Variants in ZNF638 observed in about 807,000 individuals in gnomAD.
ZNF638 encodes CTCL tumor antigen se33-1.
Under a neutral mutation model 195.6 loss-of-function variants are expected in ZNF638, and 46 were observed. The observed-to-expected ratio is 0.24, with a 90% CI of 0.19 to 0.30. The LOEUF (loss-of-function observed/expected upper bound fraction) is 0.30, where lower values mean the gene tolerates loss of function less well. Ranked by LOEUF, ZNF638 falls within the 10% of genes least tolerant of loss-of-function variation. The pLI is 1.00. For missense variants in ZNF638, 2,440 were observed against 2,325.3 expected (o/e 1.05, Z -1.01); for synonymous variants, 845 against 772.0 (o/e 1.09, Z -1.57).
intron 1 of ZNF638, among the ~76,000 whole-genome samples, chr2:71,344,303 C>T (rs937386169): frequency 1.4e-4 from 22 of 152,166 alleles, no homozygotes; most frequent in African/African-American, 5.3e-4. Context: ...TTCTAAGGAC[C>T]TGCCAGTGGA....
intron 4 of ZNF638, 97 bp downstream of exon 4, chr2:71,363,288 C>A (rs2079139223): frequency 1.2e-5 from 11 of 944,734 alleles, no homozygotes; most frequent in South Asian, 1.7e-5. Context: ...TCTACTTCTG[C>A]CATTTAAACA....
At position 71,358,126 on chromosome 2, in the gene ZNF638, C is replaced by T. The variant is rs540845980; in HGVS notation, c.1379+2346C>T. Among the ~76,000 whole-genome samples the T allele has an allele frequency of 3.3e-5, 5 of 152,288 alleles. No homozygotes were observed. In the East Asian group the frequency reaches 9.7e-4, roughly 29 times the overall value. ...TTGGCTTGTAGCCTATCATTCCTAT[C>T]TCTGCTACTGTCTTCACACCACCTT... is the stretch of plus-strand genomic sequence containing the variant. On this transcript the variant is annotated intron_variant, in intron 3 of 27. Coordinates refer to ENST00000264447, the MANE Select transcript of ZNF638 (RefSeq NM_014497.5).
At chr2:71,359,642 A>G (rs979720460) in intron 3 of ZNF638, among the ~76,000 whole-genome samples, 19 of 152,204 alleles carry the variant, frequency 1.2e-4, no homozygotes, top group African/African-American at 4.6e-4. Context: ...ATTAACCATC[A>G]CATTCAGGTT....
intron 1 of ZNF638, among the ~76,000 whole-genome samples, chr2:71,345,498 C>T (rs2078835930): frequency 6.6e-6 from 1 of 152,096 alleles, no homozygotes; most frequent in Admixed American, 6.6e-5. Context: ...CTCAAGCAGT[C>T]CTACCACCTC....
At chr2:71,421,225 T>C (rs746215062) in intron 21 of ZNF638, among the ~76,000 whole-genome samples, 1 of 152,174 alleles carries the variant, frequency 6.6e-6, no homozygotes, top group Non-Finnish European at 1.5e-5. Flanking sequence ...TGAGAAGTAA[T>C]ATTCATATAC....
chr2:71,371,157 A>G (rs895351386), intron 8 of ZNF638, among the ~76,000 whole-genome samples: 9 of 152,118 alleles, frequency 5.9e-5, no homozygotes, highest in African/African-American at 2.2e-4. Flanking sequence ...CATCCATGTT[A>G]TTTTAAATAA....
At chr2:71,389,144 A>C (rs1458795210) in intron 10 of ZNF638, among the ~76,000 whole-genome samples, 1 of 152,130 alleles carries the variant, frequency 6.6e-6, no homozygotes, top group African/African-American at 2.4e-5. Context: ...CAGCCCTGCC[A>C]TTACTGGGTA....
In ZNF638 at chr2:71,388,860, G is replaced by T. The variant is rs1012241991; in HGVS notation, c.2378-7281G>T. 1.2e-5 allele frequency: 8 copies of T among 647,768 alleles called. No individual in the cohort carries two copies. In the African/African-American group the frequency reaches 1.4e-4, roughly 12 times the overall value. The allele number at this position is 647,768 out of a possible 1,614,324, so 40.1% of individuals were successfully genotyped here. On this transcript the variant is annotated intron_variant, in intron 10 of 27. Coordinates refer to ENST00000264447, the MANE Select transcript of ZNF638 (RefSeq NM_014497.5). ...GAAACAACTGCTTAAAGCTAGCAGA[G>T]CCTCGGTTTCACAGGCTCAGTTAAG...
At chr2:71,392,140 T>A (rs1297891968) in intron 10 of ZNF638, among the ~76,000 whole-genome samples, 1 of 152,252 alleles carries the variant, frequency 6.6e-6, no homozygotes, top group African/African-American at 2.4e-5. Flanking sequence ...CGAAGTAGTC[T>A]TGCTCCATCT....
In ZNF638 at chr2:71,402,084, A is replaced by G; in HGVS notation, c.2826A>G (p.Lys942=). The G allele has an allele frequency of 6.2e-7, 1 of 1,605,184 alleles. No homozygotes were observed. The highest frequency in any genetic ancestry group is 8.5e-7 in the Non-Finnish European group (1 of 1,175,916). The change falls in exon 16 of 28, where the codon AAA becomes AAG. Residue 942 remains lysine, a synonymous_variant. Transcript: ENST00000264447. ...ATATCTTGATTTTATCATCTCATAA[A>G]AAGGTAAGAGTTGATTAATAGCTGT... ...LKDILILSSH[K]KAYIEINRKA...
chr2:71,350,152 G>A lies in ZNF638; in HGVS notation c.1198G>A (p.Asp400Asn), dbSNP rs2078916870. 1 of 1,613,760 alleles carries A rather than the reference G, an allele frequency of 6.2e-7. No individual in the cohort carries two copies. Among genetic ancestry groups the A allele is most frequent in the Non-Finnish European group, 8.5e-7 (1 of 1,180,030 alleles). ...CTGGCTACCAAAGTTTTCACATGCT[G>A]ATGCCCAGAAGATGAAGAGACTTCC... ...ASWLPKFSHA[D>N]AQKMKRLPTP... Residue 400 changes from aspartate (D) to asparagine (N), a missense_variant, in exon 2 of 28, where the codon GAT becomes AAT. Transcript: ENST00000264447.
intron 10 of ZNF638, among the ~76,000 whole-genome samples, chr2:71,390,603 G>A (rs2079752948): frequency 6.6e-6 from 1 of 152,196 alleles, no homozygotes; most frequent in African/African-American, 2.4e-5. Flanking sequence ...CAGGGAAAGA[G>A]GAAGGGAAGT....
chr2:71,343,542 G>A (rs967772414), intron 1 of ZNF638, among the ~76,000 whole-genome samples: 2 of 152,168 alleles, frequency 1.3e-5, no homozygotes, highest in African/African-American at 4.8e-5. Context: ...GAGATGTATG[G>A]AAGTGATCGA....
At chr2:71,388,557 G>A (rs2079696709) in intron 10 of ZNF638, 7 of 742,640 alleles carry the variant, frequency 9.4e-6, no homozygotes, top group South Asian at 5.7e-5. Context: ...AGGCCGAGCA[G>A]TTTCCTAGCT....
intron 24 of ZNF638, 21 bp downstream of exon 24, chr2:71,427,435 G>C (rs1201583651): frequency 1.3e-6 from 2 of 1,496,668 alleles, no homozygotes; most frequent in Non-Finnish European, 1.8e-6. Flanking sequence ...GGAAGGGGTA[G>C]TCTTTCTGTT....
chr2:71,391,546 T>C (rs973838011), intron 10 of ZNF638, among the ~76,000 whole-genome samples: 1 of 152,232 alleles, frequency 6.6e-6, no homozygotes, highest in African/African-American at 2.4e-5. Context: ...TTTGAGTTTA[T>C]ATGCCTCTGT....
At position 71,355,773 on chromosome 2, in the gene ZNF638, C is replaced by T. The variant is rs763281468; in HGVS notation, c.1372C>T (p.Arg458Cys). The change falls in exon 3 of 28, where the codon CGT becomes TGT. Residue 458 changes from arginine to cysteine, a missense_variant. By Grantham distance (180) the Arg-to-Cys change is radical (BLOSUM62 -3). Transcript: ENST00000264447. ...STHIESCRQL[R>C]QQYPDWNPEI... ...TCATATTGAGAGCTGTCGACAGTTA[C>T]GTCAACAGTAAGAATATATTTTTCC... The T allele has an allele frequency of 1.3e-6, 2 of 1,580,936 alleles. No individual in the cohort carries two copies. Among genetic ancestry groups the T allele is most frequent in the Non-Finnish European group, 1.7e-6 (2 of 1,159,518 alleles).
intron 1 of ZNF638, among the ~76,000 whole-genome samples, chr2:71,334,773 T>C (rs1370148605): frequency 1.3e-5 from 2 of 151,722 alleles, no homozygotes; most frequent in Non-Finnish European, 2.9e-5. Flanking sequence ...GAAAAAAAAT[T>C]AGCCGGGCGT....
At chr2:71,400,768 A>C (rs1371412568) in intron 15 of ZNF638, among the ~76,000 whole-genome samples, 1 of 152,032 alleles carries the variant, frequency 6.6e-6, no homozygotes, top group South Asian at 2.1e-4. Context: ...TGTTTTTTGA[A>C]GATTACTTTT....
Sources: gnomAD v4.1 joint callset for allele counts (sites outside exome capture counted in the v4.1 genomes callset) on GRCh38, gnomAD v4.1.1 for gene constraint, MANE v1.5 for transcripts, NCBI Gene and HGNC (gene_info 2026-07-23, HGNC 2026-07-21) for gene names.